Variants in CLIP1 observed in about 807,000 individuals in gnomAD.
CLIP1 encodes the protein CAP-Gly domain containing linker protein 1, also known as CAP-Gly domain-containing linker protein 1.
Under a neutral mutation model 161.6 loss-of-function variants are expected in CLIP1, and 66 were observed. The ratio of observed to expected loss-of-function variants is 0.41; its 90% CI spans 0.33 to 0.50. The LOEUF is 0.50. CLIP1 is among the 20% of genes least tolerant of loss of function. The pLI is 0.27. For synonymous variants in CLIP1, 598 were observed against 626.2 expected, an observed-to-expected ratio of 0.96 and a Z score of 0.67; for missense variants, 1,376 against 1,702.0, an observed-to-expected ratio of 0.81 and a Z score of 3.37.
At chr12:122,299,161 T>C (rs955861467) in intron 20 of CLIP1, among the ~76,000 whole-genome samples, 1 of 152,094 alleles carries the variant, frequency 6.6e-6, no homozygotes, top group Non-Finnish European at 1.5e-5. Context: ...GCATCTTCTG[T>C]TCAGATGTAA....
At chr12:122,305,910 T>C (rs991308351) in intron 20 of CLIP1, among the ~76,000 whole-genome samples, 61 of 151,504 alleles carry the variant, frequency 4.0e-4, no homozygotes, top group African/African-American at 1.2e-3. Context: ...TCTACTAAAA[T>C]ACAATAAATT....
At chr12:122,325,054 AT>A (rs11330696) in intron 17 of CLIP1, among the ~76,000 whole-genome samples, 68,870 of 123,324 alleles carry the variant, frequency 0.56, 16,920 homozygotes, top group African/African-American at 0.62. Context: ...CAATGATATA[AT>A]TTTTTTTTTT....
intron 13 of CLIP1, 23 bp downstream of exon 13, chr12:122,334,625 G>T: frequency 6.5e-7 from 1 of 1,533,352 alleles, no homozygotes; most frequent in Non-Finnish European, 8.9e-7. Context: ...AAAGCAATCT[G>T]CACACGCTCT....
rs1224136458 is a variant in CLIP1 at position 122,323,506 on chromosome 12, C to CGGAA, written c.3250-4159_3250-4158insTTCC. The CGGAA allele has an allele frequency of 4.6e-5, 7 of 152,658 alleles. No individual in the cohort carries two copies. Among genetic ancestry groups the CGGAA allele is most frequent in the African/African-American group, 1.7e-4 (7 of 41,448 alleles). 9.5% of individuals were successfully genotyped at this position (152,658 alleles called of 1,614,324 possible). On this transcript the variant is annotated intron_variant, in intron 17 of 25. Transcript: ENST00000620786. The surrounding 1 kb of genome is among the most constrained non-coding windows in gnomAD (Gnocchi z 4.1). ...CGAGTTGCACGGTCTCCAGCTCTGC[C>CGGAA]TTCCTCAGGGCCTTGCTGGCATCAT...
chr12:122,421,104 T>C (rs1956923781), intron 1 of CLIP1, among the ~76,000 whole-genome samples: 1 of 150,044 alleles, frequency 6.7e-6, no homozygotes, highest in South Asian at 2.1e-4. Flanking sequence ...TGTATAACCC[T>C]GGTCAAGTTA....
chr12:122,326,579 T>TGAGGCAG (rs1951720286), intron 17 of CLIP1, among the ~76,000 whole-genome samples: 2 of 152,134 alleles, frequency 1.3e-5, no homozygotes, highest in Admixed American at 1.3e-4. Flanking sequence ...CTTGGGAAGC[T>TGAGGCAG]GAGGCAAGGG....
In CLIP1 at chr12:122,355,315, G is replaced by A. The variant is rs770610957; in HGVS notation, c.1006-3C>T. On this transcript the variant is annotated splice_polypyrimidine_tract_variant and splice_region_variant and intron_variant, in intron 5 of 25. Transcript: ENST00000620786. The surrounding 1 kb of genome is among the most constrained non-coding windows in gnomAD (Gnocchi z 4.1). ...TAACGGGAGGAGGTTTCAGTCAACT[G>A]TAAAGGAAAGTTAGAGAAATGAAGG... 1 of 1,612,214 alleles carries A rather than the reference G, an allele frequency of 6.2e-7. No homozygotes were observed. The highest frequency in any genetic ancestry group is 8.5e-7 in the Non-Finnish European group (1 of 1,178,596).
At chr12:122,313,693 G>A (rs1223026002) in intron 19 of CLIP1, among the ~76,000 whole-genome samples, 2 of 151,974 alleles carry the variant, frequency 1.3e-5, no homozygotes, top group South Asian at 2.1e-4. Flanking sequence ...CTCCATCCTG[G>A]GCAACAAGAG....
intron 1 of CLIP1, among the ~76,000 whole-genome samples, chr12:122,405,012 T>G (rs555459909): frequency 3.9e-5 from 6 of 152,272 alleles, no homozygotes; most frequent in Non-Finnish European, 7.3e-5. Flanking sequence ...TCTATAGGAC[T>G]GACTTAAACC....
rs2136488329 is a variant in CLIP1 at position 122,355,724 on chromosome 12, C to T, written c.1006-412G>A. Reference sequence around the variant, plus strand: ...CACCTCCTGGATTCAAGTGATTCTCCTGCTTCAGCCTCCCAAGTAGCTGGG... The same window carrying T: ...CACCTCCTGGATTCAAGTGATTCTCTTGCTTCAGCCTCCCAAGTAGCTGGG... On this transcript the variant is annotated intron_variant, in intron 5 of 25. Transcript: ENST00000620786. The surrounding 1 kb of genome is among the most constrained non-coding windows in gnomAD (Gnocchi z 4.1). 1 of 176,772 alleles carries T rather than the reference C, an allele frequency of 5.7e-6. No homozygotes were observed. Among genetic ancestry groups the T allele is most frequent in the East Asian group, 1.8e-4 (1 of 5,648 alleles). 11.0% of individuals were successfully genotyped at this position (176,772 alleles called of 1,614,324 possible).
intron 4 of CLIP1, 128 bp downstream of exon 4, chr12:122,363,855 G>A: frequency 2.3e-6 from 3 of 1,301,446 alleles, no homozygotes; most frequent in Non-Finnish European, 3.2e-6. Context: ...TAGCAGATGG[G>A]TCTTAGGAAA....
In CLIP1 at chr12:122,328,253, C is replaced by T; in HGVS notation, c.3033+8G>A. 6.2e-7 allele frequency: 1 copy of T among 1,613,718 alleles called. No homozygotes were observed. Among genetic ancestry groups the T allele is most frequent in the Non-Finnish European group, 8.5e-7 (1 of 1,179,892 alleles). On this transcript the variant is annotated splice_region_variant and intron_variant, in intron 16 of 25. Coordinates refer to ENST00000620786, the MANE Select transcript of CLIP1 (RefSeq NM_001247997.2). ...GCCAGCCAACAGGCCCACTGAGTAT[C>T]TCCTTACCAGGTCCGACAATTTCCT...
rs760242212 is a variant in CLIP1 at position 122,333,884 on chromosome 12, T to C, written c.2710+143A>G. ...CTGGAGGTTACAGATCTCAAACAAG[T>C]ATTTCATCACATTGTTATATCACCA... On this transcript the variant is annotated intron_variant, in intron 14 of 25. Coordinates refer to ENST00000620786, the MANE Select transcript of CLIP1 (RefSeq NM_001247997.2). The C allele has an allele frequency of 1.0e-5, 6 of 587,218 alleles. No homozygotes were observed. The East Asian group carries it at 1.2e-4, about 11-fold the overall frequency. The allele number at this position is 587,218 out of a possible 1,614,324, so 36.4% of individuals were successfully genotyped here. A position where few individuals can be genotyped will look rare whatever the true frequency, so the allele number is the denominator to read the frequency against.
intron 1 of CLIP1, among the ~76,000 whole-genome samples, chr12:122,387,557 T>C (rs1955339175): frequency 6.1e-4 from 6 of 9,762 alleles, no homozygotes; most frequent in African/African-American, 8.7e-4. Flanking sequence ...CATATATATA[T>C]ATATATATAT....
chr12:122,333,980 G>A (rs1952103310), intron 14 of CLIP1, 47 bp downstream of exon 14: 1 of 1,176,018 alleles, frequency 8.5e-7, no homozygotes, highest in African/African-American at 1.5e-5. Flanking sequence ...TCGAATACGG[G>A]AAAGCCTACT....
chr12:122,391,799 C>T (rs1352415220), intron 1 of CLIP1, among the ~76,000 whole-genome samples: 4 of 152,122 alleles, frequency 2.6e-5, no homozygotes, highest in South Asian at 2.1e-4. Flanking sequence ...CTGGAAAACA[C>T]CAGCACCTGG....
intron 1 of CLIP1, among the ~76,000 whole-genome samples, chr12:122,414,391 C>A (rs1285000257): frequency 1.3e-5 from 2 of 152,094 alleles, no homozygotes; most frequent in Non-Finnish European, 2.9e-5. Flanking sequence ...CTCAAGCGAT[C>A]CTCCTGCCTT....
chr12:122,390,653 A>G (rs1225134285), intron 1 of CLIP1, among the ~76,000 whole-genome samples: 1 of 151,880 alleles, frequency 6.6e-6, no homozygotes, highest in Non-Finnish European at 1.5e-5. Flanking sequence ...TTTCCAAACT[A>G]TAATGTGACA....
At chr12:122,417,221 G>A (rs556529617) in intron 1 of CLIP1, among the ~76,000 whole-genome samples, 1 of 151,734 alleles carries the variant, frequency 6.6e-6, no homozygotes, top group Non-Finnish European at 1.5e-5. Context: ...GCTTGAACCT[G>A]GGAGACGGAG....
Sources: allele counts gnomAD v4.1 joint callset (sites outside exome capture counted in the v4.1 genomes callset), GRCh38; gene constraint gnomAD v4.1.1; non-coding constraint Gnocchi (gnomAD v3.1); transcripts MANE v1.5; gene names NCBI Gene and HGNC (gene_info 2026-07-23, HGNC 2026-07-21).